SLCO2A1: variants seen among roughly 807,000 people sequenced by gnomAD.
SLCO2A1 encodes solute carrier organic anion transporter family member 2A1.
A neutral mutation model predicts 71.7 loss-of-function variants in SLCO2A1; 60 were observed. That is an observed-to-expected ratio of 0.84 (90% CI 0.68 to 1.04). The LOEUF (loss-of-function observed/expected upper bound fraction) is 1.04, where lower values mean the gene tolerates loss of function less well. Among genes scored for constraint, SLCO2A1 ranks in the 50% least tolerant of loss-of-function variants. The probability of loss-of-function intolerance (pLI) is 0.00; values close to 1 mark genes in which losing one functional copy is unlikely to be tolerated. For synonymous variants in SLCO2A1, 308 were observed against 326.7 expected (o/e 0.94, Z 0.62); for missense variants, 745 against 813.4 (o/e 0.92, Z 1.02).
intron 1 of SLCO2A1, among the ~76,000 whole-genome samples, chr3:134,011,196 G>A (rs1935335067): frequency 1.3e-5 from 2 of 152,122 alleles, no homozygotes; most frequent in African/African-American, 4.8e-5. Flanking sequence ...GATTACAGGT[G>A]TGCACCACCA....
intron 6 of SLCO2A1, 86 bp downstream of exon 6, chr3:133,951,122 G>T (rs1432088962): frequency 1.3e-6 from 2 of 1,561,142 alleles, no homozygotes; most frequent in African/African-American, 1.4e-5. Context: ...TTAACATGCT[G>T]CAGCTTTTTA....
rs74608198 is a variant in SLCO2A1, at chr3:133,958,703, C to A, written c.398-3510G>T. Among the ~76,000 whole-genome samples, 882 of 152,330 alleles carry A rather than the reference C, an allele frequency of 5.8e-3. 4 individuals carry two copies. Among genetic ancestry groups the A allele is most frequent in the Non-Finnish European group, 9.3e-3 (632 of 68,034 alleles). ...GCTAACTTCTCTGTGCCAACTTTGA[C>A]CAAACGGATGCATTTCTGAAGGACA... On this transcript the variant is annotated intron_variant, in intron 3 of 13. Coordinates refer to ENST00000310926, the MANE Select transcript of SLCO2A1 (RefSeq NM_005630.3).
chr3:133,951,249 G>C lies in SLCO2A1; in HGVS notation c.820C>G (p.Pro274Ala). 6.2e-7 allele frequency: 1 copy of C among 1,614,066 alleles called. No homozygotes were observed. Among genetic ancestry groups the C allele is most frequent in the South Asian group, 1.1e-5 (1 of 91,074 alleles). The change falls in exon 6 of 14, where the codon CCC (proline) becomes GCC (alanine). Residue 274 changes from proline to alanine, a missense_variant. Transcript: ENST00000310926. ...SSALLVLTSF[P>A]FFFFPRAMPI... is the part of the protein sequence containing the mutation. ...ATTGCTCGAGGGAAGAAAAAAAAGGGGAAAGAGGTGAGAACCAATAAAGCT... is the reference window on the plus strand; with the variant it reads ...ATTGCTCGAGGGAAGAAAAAAAAGGCGAAAGAGGTGAGAACCAATAAAGCT...
At chr3:133,956,413 C>T (rs1320188229) in intron 3 of SLCO2A1, among the ~76,000 whole-genome samples, 1 of 152,202 alleles carries the variant, frequency 6.6e-6, no homozygotes, top group Non-Finnish European at 1.5e-5. Flanking sequence ...CTGCCCTCTC[C>T]AGTGGTGTCT....
At chr3:134,027,348 TC>T (rs1935718630) in intron 1 of SLCO2A1, among the ~76,000 whole-genome samples, 1 of 152,234 alleles carries the variant, frequency 6.6e-6, no homozygotes, top group African/African-American at 2.4e-5. Flanking sequence ...GGTTATGTTA[TC>T]TATAGATTAC....
At chr3:134,012,276 C>G (rs909775786) in intron 1 of SLCO2A1, among the ~76,000 whole-genome samples, 22 of 152,152 alleles carry the variant, frequency 1.4e-4, no homozygotes, top group Non-Finnish European at 3.1e-4. Flanking sequence ...GTACTAGAAA[C>G]AGTGAAGCAA....
intron 1 of SLCO2A1, among the ~76,000 whole-genome samples, chr3:134,007,448 A>T (rs1447670311): frequency 6.6e-6 from 1 of 152,228 alleles, no homozygotes; most frequent in Admixed American, 6.5e-5. Context: ...TTATAGTTTT[A>T]GGTCTTACAT....
At chr3:133,990,293 T>C (rs1481035652) in intron 1 of SLCO2A1, among the ~76,000 whole-genome samples, 2 of 152,240 alleles carry the variant, frequency 1.3e-5, no homozygotes, top group African/African-American at 2.4e-5. Flanking sequence ...TTTTTGTCAT[T>C]GATTTTTCTC....
intron 1 of SLCO2A1, among the ~76,000 whole-genome samples, 179 bp downstream of exon 1, chr3:134,029,528 A>G (rs1359955011): frequency 7.4e-6 from 1 of 134,828 alleles, no homozygotes; most frequent in African/African-American, 3.0e-5. Flanking sequence ...ACACACGCTC[A>G]CACACACACT....
chr3:133,954,168 T>C (rs1933825235), intron 4 of SLCO2A1, among the ~76,000 whole-genome samples: 1 of 145,846 alleles, frequency 6.9e-6, no homozygotes, highest in South Asian at 2.3e-4. Context: ...TTTTTTTTTT[T>C]TTTTTTTTTT....
Position 134,022,404 on chromosome 3 carries a change from C to T in SLCO2A1, c.96+7303G>A, listed in dbSNP as rs553254308. Among the ~76,000 whole-genome samples the T allele has an allele frequency of 1.8e-3, 271 of 151,996 alleles. 2 individuals carry two copies. The highest frequency in any genetic ancestry group is 6.2e-3 in the African/African-American group (259 of 41,456). On this transcript the variant is annotated intron_variant, in intron 1 of 13. Coordinates refer to ENST00000310926, the MANE Select transcript of SLCO2A1 (RefSeq NM_005630.3). The stretch of plus-strand genomic sequence containing the variant: ...GGAGGCATAAGAATGTACATTTTTA[C>T]CTACATTAAAAAGTTAAAAAAAATT...
chr3:133,955,685 G>A (rs937876585), intron 3 of SLCO2A1, among the ~76,000 whole-genome samples: 4 of 152,174 alleles, frequency 2.6e-5, no homozygotes, highest in East Asian at 1.9e-4. Flanking sequence ...CTGTTGCACC[G>A]GGTTGGTGTC....
rs766536436 is a variant in SLCO2A1 at position 133,935,907 on chromosome 3, G to T, written c.1691-10C>A. On this transcript the variant is annotated splice_polypyrimidine_tract_variant and intron_variant, in intron 12 of 13. Coordinates refer to ENST00000310926, the MANE Select transcript of SLCO2A1 (RefSeq NM_005630.3). ...GGAGATGGCAGCCAGGCTGGAAGAGGGTTCAGAAAGCCCTGGTCAGGTGGA... is the reference window on the plus strand; with the variant it reads ...GGAGATGGCAGCCAGGCTGGAAGAGTGTTCAGAAAGCCCTGGTCAGGTGGA... 1.3e-6 allele frequency: 2 copies of T among 1,581,438 alleles called. No homozygotes were observed. The highest frequency in any genetic ancestry group is 8.6e-7 in the Non-Finnish European group (1 of 1,162,016).
chr3:133,955,391 T>G, intron 3 of SLCO2A1, 198 bp from the exon 4 acceptor site: 1 of 580,846 alleles, frequency 1.7e-6, no homozygotes. Context: ...AACAAAGGTG[T>G]GAAAGAGAGG....
At position 133,979,596 on chromosome 3, in the gene SLCO2A1, A is replaced by G; in HGVS notation, c.119T>C (p.Leu40Pro). 1 of 1,613,290 alleles carries G rather than the reference A, an allele frequency of 6.2e-7. No homozygotes were observed. Among genetic ancestry groups the G allele is most frequent in the Non-Finnish European group, 8.5e-7 (1 of 1,179,596 alleles). The change falls in exon 2 of 14, where the codon CTC (leucine) becomes CCC (proline). Residue 40 changes from leucine to proline, a missense_variant. By Grantham distance (98) the Leu-to-Pro change is moderately conservative. Transcript: ENST00000310926. ...NIKVFVLCQGLLQLCQLLYSA... is the reference protein window; with the variant it reads ...NIKVFVLCQGPLQLCQLLYSA... ...GTACAGGAGTTGGCAGAGCTGCAGG[A>G]GGCCTTGGCAGAGCACAAACACCTG...
intron 1 of SLCO2A1, among the ~76,000 whole-genome samples, chr3:133,991,010 T>A (rs1351344367): frequency 2.6e-5 from 4 of 152,038 alleles, no homozygotes; most frequent in Non-Finnish European, 5.9e-5. Context: ...CTCAGGAAGC[T>A]GAGGCAGGAG....
At chr3:133,989,305 T>C (rs749231120) in intron 1 of SLCO2A1, among the ~76,000 whole-genome samples, 14 of 152,242 alleles carry the variant, frequency 9.2e-5, no homozygotes, top group African/African-American at 3.4e-4. Flanking sequence ...CACTGCTTCA[T>C]TCCTGTGTTT....
chr3:133,995,973 C>T (rs1390750617), intron 1 of SLCO2A1, among the ~76,000 whole-genome samples: 2 of 152,226 alleles, frequency 1.3e-5, no homozygotes, highest in African/African-American at 2.4e-5. Context: ...TTAGGGCCAG[C>T]TCCATACCAG....
rs1240844954 is a variant in SLCO2A1, at chr3:133,934,649, G to A, written c.*64C>T. Reference sequence around the variant, plus strand: ...GGAAATGACGTGTTAACATTAGTGAGTATAGGCAGGTGTGGAAGAGTCAAG... The same window carrying A: ...GGAAATGACGTGTTAACATTAGTGAATATAGGCAGGTGTGGAAGAGTCAAG... On this transcript the variant is annotated 3_prime_UTR_variant, in exon 14 of 14. Transcript: ENST00000310926. The A allele has an allele frequency of 9.1e-7, 1 of 1,103,216 alleles. No individual in the cohort carries two copies. The highest frequency in any genetic ancestry group is 1.5e-5 in the African/African-American group (1 of 64,910). 68.3% of individuals were successfully genotyped at this position (1,103,216 alleles called of 1,614,324 possible).
Sources: gnomAD v4.1 joint callset for allele counts (sites outside exome capture counted in the v4.1 genomes callset) on GRCh38, gnomAD v4.1.1 for gene constraint, MANE v1.5 for transcripts, NCBI Gene and HGNC (gene_info 2026-07-23, HGNC 2026-07-21) for gene names.